FRMD5: variants seen among roughly 807,000 people sequenced by gnomAD.
The protein encoded by FRMD5 is FERM domain containing 5, also known as FERM domain-containing protein 5.
FRMD5 carries 20 observed loss-of-function variants against 69.0 expected under a neutral mutation model. That is an observed-to-expected ratio of 0.29 (90% confidence interval 0.20 to 0.42). FRMD5 has a LOEUF of 0.42. FRMD5 is among the 10% of genes least tolerant of loss of function. The pLI is 1.00. For missense variants in FRMD5, 595 were observed against 708.6 expected, an observed-to-expected ratio of 0.84 and a Z score of 1.82; for synonymous variants, 271 against 260.1, an observed-to-expected ratio of 1.04 and a Z score of -0.40.
intron 1 of FRMD5, among the ~76,000 whole-genome samples, chr15:44,107,747 GTTC>G (rs1413217458): frequency 6.6e-6 from 1 of 152,146 alleles, no homozygotes; most frequent in East Asian, 1.9e-4. Flanking sequence ...AAAAATTACT[GTTC>G]TTAAAATATG....
intron 1 of FRMD5, among the ~76,000 whole-genome samples, chr15:44,126,173 T>C (rs2077022706): frequency 6.6e-6 from 1 of 152,192 alleles, no homozygotes; most frequent in South Asian, 2.1e-4. Flanking sequence ...CCTTTTCTCT[T>C]ATATATGTTA....
At chr15:44,016,441 G>A (rs902953703) in intron 1 of FRMD5, among the ~76,000 whole-genome samples, 2 of 152,158 alleles carry the variant, frequency 1.3e-5, no homozygotes, top group African/African-American at 4.8e-5. Flanking sequence ...AAGACTTGGA[G>A]GTTGGGCGCA....
At chr15:44,185,391 T>A (rs1319902745) in intron 1 of FRMD5, among the ~76,000 whole-genome samples, 2 of 152,204 alleles carry the variant, frequency 1.3e-5, no homozygotes, top group Non-Finnish European at 2.9e-5. Flanking sequence ...ACTGAGAAAT[T>A]GCAGGCTTAA....
intron 1 of FRMD5, among the ~76,000 whole-genome samples, chr15:43,986,883 T>C (rs982244057): frequency 1.3e-5 from 2 of 152,140 alleles, no homozygotes; most frequent in Middle Eastern, 3.2e-3. Flanking sequence ...CAGCATGTGC[T>C]CATTTTGTGT....
chr15:43,879,694 T>TC, intron 13 of FRMD5: 1 of 399,016 alleles, frequency 2.5e-6, no homozygotes, highest in Non-Finnish European at 4.4e-6. Flanking sequence ...GGCAAATACT[T>TC]CTTCAGTGGA....
At chr15:44,144,643 T>C (rs2077328231) in intron 1 of FRMD5, among the ~76,000 whole-genome samples, 6 of 152,220 alleles carry the variant, frequency 3.9e-5, no homozygotes. Flanking sequence ...CATCACCATT[T>C]AGAATACTGT....
chr15:44,177,401 A>G (rs57353861), intron 1 of FRMD5, among the ~76,000 whole-genome samples: 1 of 152,188 alleles, frequency 6.6e-6, no homozygotes, highest in African/African-American at 2.4e-5. Context: ...AAAATAAAGC[A>G]TTCATGTTAC....
chr15:44,044,095 C>A (rs1382250738), intron 1 of FRMD5, among the ~76,000 whole-genome samples: 1 of 151,976 alleles, frequency 6.6e-6, no homozygotes, highest in Non-Finnish European at 1.5e-5. Context: ...AAAACCCCAT[C>A]AAAAAGTGGG....
chr15:44,120,855 G>T (rs2076939909), intron 1 of FRMD5, among the ~76,000 whole-genome samples: 1 of 152,012 alleles, frequency 6.6e-6, no homozygotes, highest in Admixed American at 6.6e-5. Flanking sequence ...AAGATGAGAT[G>T]ATGAACATGC....
At chr15:44,173,147 G>T (rs979648533) in intron 1 of FRMD5, among the ~76,000 whole-genome samples, 6 of 152,136 alleles carry the variant, frequency 3.9e-5, no homozygotes, top group African/African-American at 1.4e-4. Flanking sequence ...GGCATATTAG[G>T]TTTCAAACAC....
At chr15:44,077,491 A>C (rs1369361768) in intron 1 of FRMD5, among the ~76,000 whole-genome samples, 1 of 152,202 alleles carries the variant, frequency 6.6e-6, no homozygotes, top group African/African-American at 2.4e-5. Flanking sequence ...CAAGATTAAA[A>C]AAGAAGACAA....
intron 1 of FRMD5, among the ~76,000 whole-genome samples, chr15:44,120,807 C>T (rs542971713): frequency 2.7e-4 from 41 of 151,862 alleles, no homozygotes; most frequent in African/African-American, 9.4e-4. Flanking sequence ...GGACTACAGG[C>T]GTGAGCCACC....
intron 12 of FRMD5, among the ~76,000 whole-genome samples, chr15:43,884,126 A>C (rs750643586): frequency 1.2e-4 from 18 of 152,064 alleles, no homozygotes; most frequent in Non-Finnish European, 2.4e-4. Context: ...TACTCCTGAA[A>C]ATATGCCTGG....
chr15:43,945,590 A>G (rs2089933008), intron 1 of FRMD5, among the ~76,000 whole-genome samples: 1 of 152,216 alleles, frequency 6.6e-6, no homozygotes, highest in Non-Finnish European at 1.5e-5. Flanking sequence ...TCCTATGCCA[A>G]CATAGGACAC....
At chr15:44,139,350 G>A (rs1483604748) in intron 1 of FRMD5, among the ~76,000 whole-genome samples, 1 of 148,872 alleles carries the variant, frequency 6.7e-6, no homozygotes, top group Non-Finnish European at 1.5e-5. Context: ...TCTACTAAAA[G>A]ACAGAGTCTA....
chr15:44,046,151 T>C (rs949157125), intron 1 of FRMD5, among the ~76,000 whole-genome samples: 2 of 152,164 alleles, frequency 1.3e-5, no homozygotes, highest in African/African-American at 2.4e-5. Flanking sequence ...AATGAAGTTC[T>C]CCTTTCATTG....
At chr15:44,096,522 C>A (rs1033256359) in intron 1 of FRMD5, among the ~76,000 whole-genome samples, 5 of 151,700 alleles carry the variant, frequency 3.3e-5, no homozygotes, top group African/African-American at 1.2e-4. Context: ...CCTACCTCAG[C>A]CTCCTGGGTA....
chr15:44,195,371 G>GA (rs2078276348), upstream of FRMD5: 5 of 414,290 alleles, frequency 1.2e-5, no homozygotes, highest in Admixed American at 1.3e-4. Context: ...GTGGCAGACC[G>GA]AAAAGCCAAT....
At chr15:44,098,172 A>T (rs2076582816) in intron 1 of FRMD5, among the ~76,000 whole-genome samples, 1 of 151,930 alleles carries the variant, frequency 6.6e-6, no homozygotes, top group South Asian at 2.1e-4. Flanking sequence ...TCCAAGCTTC[A>T]ATGATTATGT....
Sources: gnomAD v4.1 joint callset for allele counts (sites outside exome capture counted in the v4.1 genomes callset) on GRCh38, gnomAD v4.1.1 for gene constraint, MANE v1.5 for transcripts, NCBI Gene and HGNC (gene_info 2026-07-23, HGNC 2026-07-21) for gene names.